The following THSD7A variants were observed in gnomAD, a reference collection of about 807,000 sequenced individuals.
THSD7A encodes the protein thrombospondin type 1 domain containing 7A.
A neutral mutation model predicts 231.3 loss-of-function variants in THSD7A; 96 were observed. That is an observed-to-expected ratio of 0.41 (90% confidence interval 0.35 to 0.49). The LOEUF (loss-of-function observed/expected upper bound fraction) is 0.49, where lower values mean the gene tolerates loss of function less well. Among genes scored for constraint, THSD7A ranks in the 20% least tolerant of loss-of-function variants. THSD7A has a pLI of 0.05. For synonymous variants in THSD7A, 940 were observed against 743.3 expected, an observed-to-expected ratio of 1.26 and a Z score of -4.30; for missense variants, 2,290 against 2,070.2, an observed-to-expected ratio of 1.11 and a Z score of -2.06.
At chr7:11,678,999 C>G (rs1479212378) in intron 1 of THSD7A, among the ~76,000 whole-genome samples, 1 of 152,148 alleles carries the variant, frequency 6.6e-6, no homozygotes, top group African/African-American at 2.4e-5. Flanking sequence ...GCTTATCCAC[C>G]ACTTTCAAGT....
chr7:11,603,739 G>A (rs925991175), intron 2 of THSD7A, among the ~76,000 whole-genome samples: 1 of 151,558 alleles, frequency 6.6e-6, no homozygotes, highest in African/African-American at 2.4e-5. Context: ...GGACATGGAT[G>A]AAATTGGAAA....
chr7:11,821,409 T>TC (rs398003672), intron 1 of THSD7A: 2 of 344,066 alleles, frequency 5.8e-6, no homozygotes, highest in Admixed American at 4.2e-5. Flanking sequence ...CCTTTTTTTT[T>TC]CTTTTATTTT....
At chr7:11,673,091 G>C (rs140954353) in intron 1 of THSD7A, among the ~76,000 whole-genome samples, 31 of 152,108 alleles carry the variant, frequency 2.0e-4, no homozygotes, top group Non-Finnish European at 3.7e-4. Flanking sequence ...AAAACACAGA[G>C]GATTAATAGT....
At chr7:11,567,583 G>C (rs906715901) in intron 4 of THSD7A, among the ~76,000 whole-genome samples, 1 of 152,146 alleles carries the variant, frequency 6.6e-6, no homozygotes, top group Non-Finnish European at 1.5e-5. Context: ...GCCATAACTG[G>C]AATCACCTGG....
At chr7:11,419,714 G>A (rs1464042408) in intron 16 of THSD7A, among the ~76,000 whole-genome samples, 1 of 152,158 alleles carries the variant, frequency 6.6e-6, no homozygotes, top group East Asian at 1.9e-4. Flanking sequence ...GGAAGATGAC[G>A]GAACGTTTGG....
At position 11,474,706 on chromosome 7, in the gene THSD7A, T is replaced by A. The variant is rs1400684147; in HGVS notation, c.2018-138A>T. ...ACATCAAGTTCATAAATACACGCAA[T>A]ATTTATGTGAGATGCTTCAAGGGAT... On this transcript the variant is annotated intron_variant, in intron 7 of 27. Transcript: ENST00000423059. The surrounding 1 kb of genome is among the most constrained non-coding windows in gnomAD (Gnocchi z 4.1). The A allele has an allele frequency of 3.0e-6, 2 of 659,262 alleles. No individual in the cohort carries two copies. Among genetic ancestry groups the A allele is most frequent in the Non-Finnish European group, 5.1e-6 (2 of 392,968 alleles). 40.8% of individuals were successfully genotyped at this position (659,262 alleles called of 1,614,324 possible).
intron 1 of THSD7A, among the ~76,000 whole-genome samples, chr7:11,784,866 G>A (rs1200850969): frequency 6.6e-6 from 1 of 152,102 alleles, no homozygotes; most frequent in Non-Finnish European, 1.5e-5. Flanking sequence ...TGTGTGTTTT[G>A]TGTTTGCTTT....
intron 1 of THSD7A, among the ~76,000 whole-genome samples, chr7:11,721,673 C>T (rs538635151): frequency 9.9e-5 from 15 of 152,056 alleles, no homozygotes; most frequent in African/African-American, 2.6e-4. Context: ...CTCTTTCTTA[C>T]ACCTAGTATT....
At chr7:11,643,567 T>C (rs1215756392) in intron 1 of THSD7A, among the ~76,000 whole-genome samples, 1 of 149,650 alleles carries the variant, frequency 6.7e-6, no homozygotes, top group African/African-American at 2.5e-5. Context: ...TAATGTGCTA[T>C]AATTCCATTT....
chr7:11,629,639 A>G (rs1048985840), intron 2 of THSD7A, among the ~76,000 whole-genome samples: 2 of 152,172 alleles, frequency 1.3e-5, no homozygotes, highest in South Asian at 2.1e-4. Context: ...ATGGGCCCTC[A>G]GGAACCATAT....
intron 23 of THSD7A, chr7:11,384,087 G>GC (rs1245931750): frequency 6.6e-6 from 1 of 151,796 alleles, no homozygotes; most frequent in African/African-American, 2.4e-5. Context: ...AACTTATTTT[G>GC]CAGGAAATTT....
chr7:11,657,567 T>C (rs1171266429), intron 1 of THSD7A, among the ~76,000 whole-genome samples: 1 of 151,792 alleles, frequency 6.6e-6, no homozygotes, highest in Non-Finnish European at 1.5e-5. Flanking sequence ...CCTACACTCT[T>C]AAGTTATGTA....
intron 1 of THSD7A, among the ~76,000 whole-genome samples, chr7:11,642,051 C>A (rs1045096841): frequency 6.6e-5 from 10 of 152,098 alleles, no homozygotes; most frequent in Admixed American, 5.2e-4. Flanking sequence ...GAATTGTTAA[C>A]CCAATTAACT....
chr7:11,458,601 C>G (rs1408360150), intron 11 of THSD7A, among the ~76,000 whole-genome samples: 1 of 152,000 alleles, frequency 6.6e-6, no homozygotes, highest in South Asian at 2.1e-4. Flanking sequence ...TATGTAAGTA[C>G]AGGCAGAGAA....
intron 2 of THSD7A, among the ~76,000 whole-genome samples, chr7:11,613,602 A>C (rs1781008379): frequency 2.0e-5 from 3 of 152,242 alleles, no homozygotes; most frequent in African/African-American, 7.2e-5. Flanking sequence ...TCAGACTAGT[A>C]AGAATGAAGA....
At chr7:11,449,695 C>A (rs1282638721) in intron 11 of THSD7A, among the ~76,000 whole-genome samples, 1 of 152,020 alleles carries the variant, frequency 6.6e-6, no homozygotes, top group Non-Finnish European at 1.5e-5. Context: ...GAGATGCAGG[C>A]TATAAACGAG....
Position 11,490,042 on chromosome 7 carries a change from C to A in THSD7A, c.1823-8060G>T, listed in dbSNP as rs143139011. 5.9e-3 allele frequency among the ~76,000 whole-genome samples: 898 copies of A among 152,018 alleles called. 7 individuals carry two copies. The highest frequency in any genetic ancestry group is 0.02 in the African/African-American group (823 of 41,484). On this transcript the variant is annotated intron_variant, in intron 6 of 27. Coordinates refer to ENST00000423059, the MANE Select transcript of THSD7A (RefSeq NM_015204.3). ...CCTATGTTTCCACTATGCTCTCTTCCCTGTCACTTTTTAAAATCTCAAGTT... is the reference window on the plus strand; with the variant it reads ...CCTATGTTTCCACTATGCTCTCTTCACTGTCACTTTTTAAAATCTCAAGTT...
At chr7:11,785,119 A>T (rs191599118) in intron 1 of THSD7A, among the ~76,000 whole-genome samples, 2 of 152,268 alleles carry the variant, frequency 1.3e-5, no homozygotes, top group Admixed American at 1.3e-4. Context: ...GCAAAAGTTC[A>T]AGACCCTGAT....
At chr7:11,607,524 T>A (rs2128347420) in intron 2 of THSD7A, among the ~76,000 whole-genome samples, 1 of 152,100 alleles carries the variant, frequency 6.6e-6, no homozygotes, top group East Asian at 1.9e-4. Flanking sequence ...TGTCTTGTGT[T>A]TTCAGATTGA....
Sources: gnomAD v4.1 joint callset for allele counts (sites outside exome capture counted in the v4.1 genomes callset) on GRCh38, gnomAD v4.1.1 for gene constraint, Gnocchi (gnomAD v3.1) non-coding constraint, MANE v1.5 for transcripts, NCBI Gene and HGNC (gene_info 2026-07-23, HGNC 2026-07-21) for gene names.